The following NCEH1 variants were observed in gnomAD, a reference collection of about 807,000 sequenced individuals.
NCEH1 encodes 2-acetyl MAGE hydrolase.
A neutral mutation model predicts 25.4 loss-of-function variants in NCEH1; 9 were observed. The ratio of observed to expected loss-of-function variants is 0.35; its 90% CI spans 0.21 to 0.62. NCEH1 has a LOEUF of 0.62. Among genes scored for constraint, NCEH1 ranks in the 20% least tolerant of loss-of-function variants. The pLI is 0.72. For missense variants in NCEH1, 412 were observed against 501.1 expected (o/e 0.82, Z 1.70); for synonymous variants, 200 against 199.8 (o/e 1.00, Z -0.01).
At chr3:172,643,050 T>C (rs1716936249) in intron 3 of NCEH1, among the ~76,000 whole-genome samples, 2 of 152,112 alleles carry the variant, frequency 1.3e-5, no homozygotes, top group South Asian at 4.1e-4. Flanking sequence ...GTGATTCTCC[T>C]ACCTCAGCCT....
intron 1 of NCEH1, among the ~76,000 whole-genome samples, chr3:172,679,887 T>C (rs879813493): frequency 6.6e-6 from 1 of 152,112 alleles, no homozygotes; most frequent in Non-Finnish European, 1.5e-5. Context: ...AGGGCTAAGG[T>C]GGGAGGGCCA....
chr3:172,697,652 A>C (rs573312990), intron 1 of NCEH1, among the ~76,000 whole-genome samples: 76 of 152,326 alleles, frequency 5.0e-4, no homozygotes, highest in African/African-American at 1.7e-3. Flanking sequence ...CTAGCCACAA[A>C]AGAGCTGAGC....
At position 172,675,327 on chromosome 3, in the gene NCEH1, A is replaced by AATTAATTAATTAATT. The variant is rs1553835603; in HGVS notation, c.139-27214_139-27213insAATTAATTAATTAAT. On this transcript the variant is annotated intron_variant, in intron 1 of 4. Transcript: ENST00000475381. Reference sequence around the variant, plus strand: ...CAAATAAATAAATAAATAAATAAATAAATAAATAAATAAATGATTTTGTGA... The same window carrying AATTAATTAATTAATT: ...CAAATAAATAAATAAATAAATAAATAATTAATTAATTAATTAATAAATAAATAAATGATTTTGTGA... 5.4e-3 allele frequency among the ~76,000 whole-genome samples: 808 copies of AATTAATTAATTAATT among 148,948 alleles called. 8 individuals are homozygous for AATTAATTAATTAATT. Among genetic ancestry groups the AATTAATTAATTAATT allele is most frequent in the East Asian group, 0.02 (100 of 4,926 alleles).
At position 172,711,046 on chromosome 3, in the gene NCEH1, C is replaced by G. The variant is rs1238242590; in HGVS notation, c.-62G>C. The G allele has an allele frequency of 2.5e-6, 4 of 1,610,214 alleles. No individual in the cohort carries two copies. The East Asian group carries it at 6.7e-5, about 27-fold the overall frequency. On this transcript the variant is annotated 5_prime_UTR_variant, in exon 1 of 5. Coordinates refer to ENST00000475381, the MANE Select transcript of NCEH1 (RefSeq NM_020792.6). ...AGGAAAGGGCGATACCACCCGGAGA[C>G]CTCCGGCAACTTTCTGCCCGCGGCA...
At chr3:172,638,275 C>CT (rs1560178436) in intron 3 of NCEH1, among the ~76,000 whole-genome samples, 2 of 81,888 alleles carry the variant, frequency 2.4e-5, no homozygotes, top group African/African-American at 4.1e-5. Context: ...GAGACTCTGT[C>CT]CAAAAAAAAA....
At chr3:172,666,800 T>C (rs9883329) in intron 1 of NCEH1, among the ~76,000 whole-genome samples, 67,552 of 152,018 alleles carry the variant, frequency 0.44, 16,261 homozygotes, top group African/African-American at 0.65. Flanking sequence ...ATCTCTTACT[T>C]TCTGTGTGTT....
intron 3 of NCEH1, among the ~76,000 whole-genome samples, chr3:172,642,684 T>C (rs1170661736): frequency 6.6e-6 from 1 of 151,758 alleles, no homozygotes; most frequent in Non-Finnish European, 1.5e-5. Flanking sequence ...GTGTAAGTTG[T>C]CCTTTTCATT....
intron 1 of NCEH1, among the ~76,000 whole-genome samples, chr3:172,692,247 A>G (rs1335612181): frequency 6.6e-6 from 1 of 152,264 alleles, no homozygotes; most frequent in Non-Finnish European, 1.5e-5. Flanking sequence ...AAAAGCTACT[A>G]AAACCAAACA....
chr3:172,688,063 A>AGT (rs57710811), intron 1 of NCEH1, among the ~76,000 whole-genome samples: 8,662 of 152,190 alleles, frequency 0.057, 802 homozygotes, highest in African/African-American at 0.2. Flanking sequence ...GGCCGTGCAC[A>AGT]GTGGCTCACG....
chr3:172,696,011 T>C (rs1363784460), intron 1 of NCEH1, among the ~76,000 whole-genome samples: 1 of 151,986 alleles, frequency 6.6e-6, no homozygotes, highest in African/African-American at 2.4e-5. Context: ...ATAATGATGA[T>C]TCATATATCC....
In NCEH1 at chr3:172,633,904, C is replaced by G; in HGVS notation, c.798G>C (p.Met266Ile). Residue 266 changes from methionine to isoleucine, a missense_variant, in exon 5 of 5, where the codon ATG becomes ATC. Coordinates refer to ENST00000475381, the MANE Select transcript of NCEH1 (RefSeq NM_020792.6). ...CAAGTGAAGTGTGATTGTTAACGAT[C>G]ATTGCCTGCACAAAGTCATAGTTGC... is the stretch of plus-strand genomic sequence containing the variant. ...FKGNYDFVQAMIVNNHTSLDV... is the reference protein window; with the variant it reads ...FKGNYDFVQAIIVNNHTSLDV... 1 of 1,614,256 alleles carries G rather than the reference C, an allele frequency of 6.2e-7. No individual in the cohort carries two copies. Among genetic ancestry groups the G allele is most frequent in the Non-Finnish European group, 8.5e-7 (1 of 1,180,038 alleles).
rs561706732 is a variant in NCEH1 at position 172,632,678 on chromosome 3, T to C, written c.*797A>G. ...TTCATTTGTCTGTTTTTACTTGCTC[T>C]ATAATGAAAAGTTTACTCTAAATCT... On this transcript the variant is annotated 3_prime_UTR_variant, in exon 5 of 5. Coordinates refer to ENST00000475381, the MANE Select transcript of NCEH1 (RefSeq NM_020792.6). 3 of 152,644 alleles carry C rather than the reference T, an allele frequency of 2.0e-5. No homozygotes were observed. In the East Asian group the frequency reaches 5.8e-4, roughly 29 times the overall value. 9.5% of individuals were successfully genotyped at this position (152,644 alleles called of 1,614,324 possible). A position where few individuals can be genotyped will look rare whatever the true frequency, so the allele number is the denominator to read the frequency against.
In NCEH1 at chr3:172,645,606, T is replaced by G. The variant is rs374906413; in HGVS notation, c.437+17A>C. 4.0e-5 allele frequency: 61 copies of G among 1,534,544 alleles called. 1 individual carries two copies. In the African/African-American group the frequency reaches 7.0e-4, roughly 18 times the overall value. On this transcript the variant is annotated intron_variant, in intron 3 of 4. Coordinates refer to ENST00000475381, the MANE Select transcript of NCEH1 (RefSeq NM_020792.6). The stretch of plus-strand genomic sequence containing the variant: ...CTTTATAAGAAAAATTTTCTATGAC[T>G]AGCATTAATTACTTACTCAATGGAA...
At position 172,635,831 on chromosome 3, in the gene NCEH1, G is replaced by A. The variant is rs886111495; in HGVS notation, c.609+85C>T. The stretch of plus-strand genomic sequence containing the variant: ...GACCGGCCCACCCAGCTATGCATTT[G>A]CCACACATAATGGAGGGTGTGTTGG... On this transcript the variant is annotated intron_variant, in intron 4 of 4. Coordinates refer to ENST00000475381, the MANE Select transcript of NCEH1 (RefSeq NM_020792.6). The A allele has an allele frequency of 1.8e-5, 23 of 1,298,220 alleles. No individual in the cohort carries two copies. In the Admixed American group the frequency reaches 3.3e-4, roughly 18 times the overall value. 80.4% of individuals were successfully genotyped at this position (1,298,220 alleles called of 1,614,324 possible).
chr3:172,651,877 A>G (rs1717420670), intron 1 of NCEH1, among the ~76,000 whole-genome samples: 1 of 152,210 alleles, frequency 6.6e-6, no homozygotes, highest in East Asian at 1.9e-4. Context: ...TTTAAAAAAT[A>G]GGCATTGATT....
At chr3:172,651,038 C>T (rs1717382861) in intron 1 of NCEH1, among the ~76,000 whole-genome samples, 1 of 152,062 alleles carries the variant, frequency 6.6e-6, no homozygotes, top group African/African-American at 2.4e-5. Flanking sequence ...TTGTTAATTA[C>T]TTTTCTTGGT....
At chr3:172,702,259 C>G (rs1713740791) in intron 1 of NCEH1, among the ~76,000 whole-genome samples, 1 of 152,208 alleles carries the variant, frequency 6.6e-6, no homozygotes, top group Admixed American at 6.5e-5. Flanking sequence ...TAATTGAACA[C>G]AAAGCACATA....
intron 1 of NCEH1, among the ~76,000 whole-genome samples, chr3:172,674,394 G>T (rs1711821646): frequency 6.9e-6 from 1 of 144,108 alleles, no homozygotes; most frequent in South Asian, 2.2e-4. Flanking sequence ...AGTGAGTGGA[G>T]ATCGCGCCAC....
intron 1 of NCEH1, among the ~76,000 whole-genome samples, chr3:172,648,857 G>T (rs6790404): frequency 0.039 from 5,894 of 152,082 alleles, 165 homozygotes; most frequent in African/African-American, 0.079. Context: ...GTTGCAGAAG[G>T]AACATAGCAA....
Sources: allele counts gnomAD v4.1 joint callset (sites outside exome capture counted in the v4.1 genomes callset), GRCh38; gene constraint gnomAD v4.1.1; transcripts MANE v1.5; gene names NCBI Gene and HGNC (gene_info 2026-07-23, HGNC 2026-07-21).